Variants in WDPCP observed in about 807,000 individuals in gnomAD.
The protein encoded by WDPCP is WD repeat-containing and planar cell polarity effector protein fritz homolog.
WDPCP carries 71 observed loss-of-function variants against 93.1 expected under a neutral mutation model. The ratio of observed to expected loss-of-function variants is 0.76; its 90% confidence interval spans 0.63 to 0.93. WDPCP has a LOEUF of 0.93. Ranked by LOEUF, WDPCP falls within the 40% of genes least tolerant of loss-of-function variation. The probability of loss-of-function intolerance (pLI) is 0.00; values close to 1 mark genes in which losing one functional copy is unlikely to be tolerated. For synonymous variants in WDPCP, 315 were observed against 315.0 expected (o/e 1.00, Z 0.00); for missense variants, 844 against 887.4 (o/e 0.95, Z 0.62).
At chr2:63,629,013 T>C (rs1709838948) in intron 3 of WDPCP, among the ~76,000 whole-genome samples, 1 of 152,022 alleles carries the variant, frequency 6.6e-6, no homozygotes, top group South Asian at 2.1e-4. Flanking sequence ...AAAGGTAGAG[T>C]AGACATTCTT....
intron 14 of WDPCP, among the ~76,000 whole-genome samples, chr2:63,234,804 A>C (rs1422552908): frequency 6.6e-6 from 1 of 152,190 alleles, no homozygotes; most frequent in East Asian, 1.9e-4. Flanking sequence ...TGTTGAGAAG[A>C]AATGCCCTCT....
chr2:63,622,882 C>A, intron 3 of WDPCP: 1 of 1,498,280 alleles, frequency 6.7e-7, no homozygotes, highest in Non-Finnish European at 9.1e-7. Context: ...GGGTGCGGAG[C>A]CTGGGAGGCA....
chr2:63,205,065 A>G (rs548899859), intron 14 of WDPCP, among the ~76,000 whole-genome samples: 2 of 152,288 alleles, frequency 1.3e-5, no homozygotes, highest in East Asian at 3.9e-4. Context: ...ACATATGGAT[A>G]TCCAGTTTTC....
chr2:63,479,751 C>G (rs1456630561), intron 6 of WDPCP, among the ~76,000 whole-genome samples: 1 of 152,046 alleles, frequency 6.6e-6, no homozygotes, highest in Non-Finnish European at 1.5e-5. Flanking sequence ...AGAAGTGGAA[C>G]AAGACAAGGA....
chr2:63,722,594 C>A (rs1382234008), intron 2 of WDPCP, among the ~76,000 whole-genome samples: 6 of 138,864 alleles, frequency 4.3e-5, no homozygotes, highest in South Asian at 2.4e-4. Flanking sequence ...CCAGCCGCCC[C>A]GTCCGGGAGG....
chr2:63,459,228 A>C (rs72883659), intron 6 of WDPCP, among the ~76,000 whole-genome samples: 292 of 152,316 alleles, frequency 1.9e-3, no homozygotes, highest in African/African-American at 6.7e-3. Context: ...GAGTATATTA[A>C]ATTTACATGC....
At chr2:63,578,962 G>C (rs1390789248) in intron 1 of WDPCP, among the ~76,000 whole-genome samples, 2 of 152,132 alleles carry the variant, frequency 1.3e-5, no homozygotes, top group Non-Finnish European at 2.9e-5. Context: ...GGGTTCCCCT[G>C]AGGTCTTCCT....
intron 14 of WDPCP, among the ~76,000 whole-genome samples, chr2:63,238,459 G>A (rs1679592553): frequency 6.6e-6 from 1 of 152,110 alleles, no homozygotes; most frequent in African/African-American, 2.4e-5. Flanking sequence ...TAAAGAATGT[G>A]TACAACGACT....
At chr2:63,189,473 G>T (rs1475121055) in intron 14 of WDPCP, among the ~76,000 whole-genome samples, 3 of 152,142 alleles carry the variant, frequency 2.0e-5, no homozygotes, top group African/African-American at 7.2e-5. Context: ...TGTTACAGGT[G>T]ATTTGTCTCC....
intron 2 of WDPCP, among the ~76,000 whole-genome samples, chr2:63,683,497 T>A (rs930858730): frequency 1.2e-4 from 19 of 152,124 alleles, no homozygotes; most frequent in Admixed American, 6.6e-4. Context: ...ATTTATCACA[T>A]TATATTTATC....
chr2:63,563,231 C>T (rs971165594), intron 1 of WDPCP, among the ~76,000 whole-genome samples: 13 of 152,006 alleles, frequency 8.6e-5, no homozygotes, highest in Non-Finnish European at 1.9e-4. Context: ...AGACACAGAA[C>T]AGCAAGCAAC....
intron 2 of WDPCP, among the ~76,000 whole-genome samples, chr2:63,654,845 T>TA (rs398104369): frequency 5.3e-5 from 8 of 151,982 alleles, no homozygotes; most frequent in East Asian, 1.9e-4. Context: ...TATTTTTTTT[T>TA]AATTTTCAAA....
intron 2 of WDPCP, among the ~76,000 whole-genome samples, chr2:63,705,780 TG>T (rs1669142519): frequency 6.7e-6 from 1 of 148,344 alleles, no homozygotes. Context: ...TCTGTTGATC[TG>T]GGGTGGAGAG....
intron 10 of WDPCP, among the ~76,000 whole-genome samples, chr2:63,386,399 A>G (rs138210186): frequency 1.1e-3 from 165 of 152,176 alleles, no homozygotes; most frequent in African/African-American, 3.9e-3. Context: ...ATTTGGGCAA[A>G]AGATTTGAAG....
chr2:63,461,278 G>T (rs1698989122), intron 6 of WDPCP, among the ~76,000 whole-genome samples: 1 of 152,168 alleles, frequency 6.6e-6, no homozygotes, highest in Non-Finnish European at 1.5e-5. Flanking sequence ...CACAGAGGCA[G>T]ATTCCTCATG....
At chr2:63,313,346 A>C in intron 12 of WDPCP, 35 bp from the exon 13 acceptor site, 1 of 1,582,532 alleles carries the variant, frequency 6.3e-7, no homozygotes, top group East Asian at 2.3e-5. Flanking sequence ...GTTAGTTGTG[A>C]ACAAGAATAT....
At chr2:63,585,047 A>T (rs1245297812) in intron 1 of WDPCP, among the ~76,000 whole-genome samples, 1 of 152,236 alleles carries the variant, frequency 6.6e-6, no homozygotes, top group African/African-American at 2.4e-5. Context: ...TATCCTATTA[A>T]AATATCCTGT....
At chr2:63,518,055 A>G (rs1352183631) in intron 1 of WDPCP, 1 of 152,010 alleles carries the variant, frequency 6.6e-6, no homozygotes, top group Non-Finnish European at 1.5e-5. Context: ...CACCCAGCTA[A>G]TTTTGTACTT....
chr2:63,449,298 C>A (rs1019527339), intron 6 of WDPCP, among the ~76,000 whole-genome samples: 1 of 152,140 alleles, frequency 6.6e-6, no homozygotes, highest in Non-Finnish European at 1.5e-5. Context: ...CAATAAATGT[C>A]CAGCTGGAAC....
Sources: gnomAD v4.1 joint callset for allele counts (sites outside exome capture counted in the v4.1 genomes callset) on GRCh38, gnomAD v4.1.1 for gene constraint, MANE v1.5 for transcripts, NCBI Gene and HGNC (gene_info 2026-07-23, HGNC 2026-07-21) for gene names.